The following OPCML variants were observed in gnomAD, a reference collection of about 807,000 sequenced individuals.
OPCML encodes the protein opioid-binding protein/cell adhesion molecule.
In OPCML, 13 loss-of-function variants were observed where a neutral mutation model predicts 37.8. The ratio of observed to expected loss-of-function variants is 0.34; its 90% CI spans 0.22 to 0.55. The LOEUF is 0.55. Ranked by LOEUF, OPCML falls within the 20% of genes least tolerant of loss-of-function variation. The probability of loss-of-function intolerance (pLI) is 0.91; values close to 1 mark genes in which losing one functional copy is unlikely to be tolerated. For missense variants in OPCML, 341 were observed against 435.6 expected, an observed-to-expected ratio of 0.78 and a Z score of 1.93; for synonymous variants, 176 against 168.8, an observed-to-expected ratio of 1.04 and a Z score of -0.33.
chr11:133,069,739 A>G (rs1565430388), intron 1 of OPCML, among the ~76,000 whole-genome samples: 2 of 152,230 alleles, frequency 1.3e-5, no homozygotes, highest in Non-Finnish European at 2.9e-5. Context: ...CCTGGGTGGT[A>G]TCACAAACAC....
At chr11:132,908,370 C>T (rs1944315086) in intron 2 of OPCML, among the ~76,000 whole-genome samples, 1 of 152,208 alleles carries the variant, frequency 6.6e-6, no homozygotes, top group Non-Finnish European at 1.5e-5. Context: ...TTTAGATTCC[C>T]CCTACAATTA....
intron 7 of OPCML, among the ~76,000 whole-genome samples, chr11:132,434,338 G>C (rs1395124401): frequency 6.6e-6 from 1 of 152,190 alleles, no homozygotes; most frequent in Non-Finnish European, 1.5e-5. Flanking sequence ...TGACATCTTA[G>C]AACAGTAGGG....
At chr11:132,658,551 C>T (rs1941814380) in intron 2 of OPCML, among the ~76,000 whole-genome samples, 1 of 152,156 alleles carries the variant, frequency 6.6e-6, no homozygotes, top group Non-Finnish European at 1.5e-5. Context: ...CTAGGGCGGT[C>T]CTCTCCCTGG....
chr11:133,378,003 T>C (rs180736844), intron 1 of OPCML, among the ~76,000 whole-genome samples: 1 of 152,316 alleles, frequency 6.6e-6, no homozygotes, highest in African/African-American at 2.4e-5. Context: ...TACGCCATAT[T>C]GAGCTGAAAT....
At chr11:133,479,653 C>T (rs1474954388) in intron 1 of OPCML, among the ~76,000 whole-genome samples, 2 of 152,174 alleles carry the variant, frequency 1.3e-5, no homozygotes, top group African/African-American at 4.8e-5. Flanking sequence ...ATTGACCCTG[C>T]CACTGCTCAC....
intron 1 of OPCML, among the ~76,000 whole-genome samples, chr11:133,394,526 C>G (rs886959512): frequency 6.6e-6 from 1 of 152,178 alleles, no homozygotes; most frequent in African/African-American, 2.4e-5. Context: ...TATTTTGTAA[C>G]AACTAAACAT....
chr11:133,054,897 C>T (rs1251919948), intron 1 of OPCML, among the ~76,000 whole-genome samples: 1 of 151,436 alleles, frequency 6.6e-6, no homozygotes, highest in Non-Finnish European at 1.5e-5. Flanking sequence ...AGTGGTGAGA[C>T]TCCATGAGGG....
chr11:133,035,265 G>C (rs1230746205), intron 1 of OPCML, among the ~76,000 whole-genome samples: 1 of 152,204 alleles, frequency 6.6e-6, no homozygotes, highest in South Asian at 2.1e-4. Flanking sequence ...TCTTCCTAGA[G>C]AAACTTTCTA....
At chr11:133,118,275 A>T in intron 1 of OPCML, 1 of 985,410 alleles carries the variant, frequency 1.0e-6, no homozygotes, top group Non-Finnish European at 1.2e-6. Flanking sequence ...TTCACATCAT[A>T]TGAGCTGTAG....
chr11:132,769,047 A>G (rs1286234019), intron 2 of OPCML, among the ~76,000 whole-genome samples: 1 of 145,766 alleles, frequency 6.9e-6, no homozygotes, highest in East Asian at 2.1e-4. Context: ...TCAGCTCTGT[A>G]AGTGCTCTGT....
intron 1 of OPCML, among the ~76,000 whole-genome samples, chr11:132,997,052 A>C (rs1946901530): frequency 6.6e-6 from 1 of 152,072 alleles, no homozygotes; most frequent in South Asian, 2.1e-4. Flanking sequence ...AGCATTGCAC[A>C]TCCTCCGACT....
chr11:133,185,560 G>A (rs1454875340), intron 1 of OPCML, among the ~76,000 whole-genome samples: 1 of 152,168 alleles, frequency 6.6e-6, no homozygotes, highest in Non-Finnish European at 1.5e-5. Flanking sequence ...TTGAGCATAG[G>A]GAATAATCTG....
rs570315208 is a variant in OPCML at position 133,102,282 on chromosome 11, C to T, written c.62-159272G>A. 7.5e-4 allele frequency among the ~76,000 whole-genome samples: 114 copies of T among 152,296 alleles called. 3 individuals carry two copies. In the South Asian group the frequency reaches 0.023, roughly 31 times the overall value. ...GAGATGTTGACAATGAGGGAGACTG[C>T]AGCAGATTTGCAGCATGAACAGGGG... On this transcript the variant is annotated intron_variant, in intron 1 of 7. Coordinates refer to ENST00000524381, the MANE Select transcript of OPCML (RefSeq NM_001012393.5).
intron 1 of OPCML, chr11:133,006,497 T>C: frequency 1.0e-6 from 1 of 985,416 alleles, no homozygotes; most frequent in African/African-American, 1.7e-5. Context: ...ATCTCCTTAA[T>C]CATCATAACT....
chr11:132,548,674 A>C (rs1456245960), intron 3 of OPCML, among the ~76,000 whole-genome samples: 4 of 152,128 alleles, frequency 2.6e-5, no homozygotes, highest in African/African-American at 7.2e-5. Context: ...GGTTTGGGAG[A>C]GACACCTAAC....
intron 1 of OPCML, among the ~76,000 whole-genome samples, chr11:133,200,705 C>T (rs1244374659): frequency 6.6e-6 from 1 of 152,076 alleles, no homozygotes; most frequent in Non-Finnish European, 1.5e-5. Context: ...CAATATGTTC[C>T]AATATTTCCC....
chr11:133,294,815 C>CTTTTTTTTTTTTTTT (rs59382534), intron 1 of OPCML, among the ~76,000 whole-genome samples: 11 of 56,560 alleles, frequency 1.9e-4, no homozygotes, highest in African/African-American at 4.1e-4. Context: ...TTCTTTCTTT[C>CTTTTTTTTTTTTTTT]TTTTTTTTTT....
intron 1 of OPCML, among the ~76,000 whole-genome samples, chr11:133,508,111 T>A (rs1441217973): frequency 6.6e-6 from 1 of 152,180 alleles, no homozygotes; most frequent in Admixed American, 6.5e-5. Flanking sequence ...AAGCAGGGCC[T>A]GAGTGTCGTG....
At chr11:132,618,070 C>T (rs935204278) in intron 3 of OPCML, among the ~76,000 whole-genome samples, 2 of 151,962 alleles carry the variant, frequency 1.3e-5, no homozygotes, top group Non-Finnish European at 2.9e-5. Context: ...TGGGAGGGGG[C>T]GAAGAGCTAG....
Sources: gnomAD v4.1 joint callset for allele counts (sites outside exome capture counted in the v4.1 genomes callset) on GRCh38, gnomAD v4.1.1 for gene constraint, MANE v1.5 for transcripts, NCBI Gene and HGNC (gene_info 2026-07-23, HGNC 2026-07-21) for gene names.